Variants in GLRA3 observed in about 807,000 individuals in gnomAD.
GLRA3 encodes the protein glycine receptor subunit alpha-3.
A neutral mutation model predicts 60.4 loss-of-function variants in GLRA3; 44 were observed. The observed-to-expected ratio is 0.73, with a 90% CI of 0.57 to 0.94. GLRA3 has a LOEUF of 0.94. GLRA3 is among the 40% of genes least tolerant of loss of function. GLRA3 has a pLI of 0.00. For synonymous variants in GLRA3, 223 were observed against 192.9 expected (o/e 1.16, Z -1.29); for missense variants, 508 against 564.6 (o/e 0.90, Z 1.02).
chr4:174,667,914 A>C (rs1561043242), intron 7 of GLRA3, among the ~76,000 whole-genome samples: 1 of 151,368 alleles, frequency 6.6e-6, no homozygotes, highest in Non-Finnish European at 1.5e-5. Context: ...CCCACCCAAA[A>C]CTCCTGTTGA....
intron 4 of GLRA3, among the ~76,000 whole-genome samples, chr4:174,722,323 T>C (rs909291203): frequency 6.6e-6 from 1 of 152,150 alleles, no homozygotes; most frequent in African/African-American, 2.4e-5. Context: ...CCTGAGTGCA[T>C]GGGAAGGAAA....
At chr4:174,783,044 C>T (rs1322845483) in intron 2 of GLRA3, among the ~76,000 whole-genome samples, 2 of 152,178 alleles carry the variant, frequency 1.3e-5, no homozygotes, top group Admixed American at 6.5e-5. Flanking sequence ...AAGCTGGAAG[C>T]ATCACACGAC....
At chr4:174,804,369 T>A (rs1473097077) in intron 1 of GLRA3, among the ~76,000 whole-genome samples, 2 of 152,132 alleles carry the variant, frequency 1.3e-5, no homozygotes, top group Non-Finnish European at 2.9e-5. Context: ...TACCTGATCA[T>A]GTAGTGCCTT....
At chr4:174,652,663 G>T (rs1265656467) in intron 9 of GLRA3, among the ~76,000 whole-genome samples, 1 of 151,792 alleles carries the variant, frequency 6.6e-6, no homozygotes, top group African/African-American at 2.4e-5. Context: ...CAATTATTAT[G>T]CCAAGCACTG....
At chr4:174,670,412 A>G (rs1733860861) in intron 7 of GLRA3, among the ~76,000 whole-genome samples, 2 of 152,090 alleles carry the variant, frequency 1.3e-5, no homozygotes, top group South Asian at 4.1e-4. Flanking sequence ...TTTTGGGGCA[A>G]AGTGCTTTCT....
At chr4:174,663,334 A>G (rs1027846906) in intron 7 of GLRA3, among the ~76,000 whole-genome samples, 1 of 152,176 alleles carries the variant, frequency 6.6e-6, no homozygotes, top group East Asian at 1.9e-4. Context: ...CCAAATATAT[A>G]CAGTCCTGGA....
chr4:174,650,627 T>C (rs1282312856), intron 9 of GLRA3, among the ~76,000 whole-genome samples: 1 of 152,166 alleles, frequency 6.6e-6, no homozygotes. Flanking sequence ...TACCCCATCA[T>C]GGGTGATGTC....
At chr4:174,805,396 G>T (rs1055711871) in intron 1 of GLRA3, among the ~76,000 whole-genome samples, 8 of 152,020 alleles carry the variant, frequency 5.3e-5, no homozygotes, top group African/African-American at 1.9e-4. Context: ...GCACTCTTTT[G>T]GATCACTGAC....
intron 1 of GLRA3, among the ~76,000 whole-genome samples, chr4:174,809,344 C>G (rs1740172647): frequency 6.6e-6 from 1 of 152,116 alleles, no homozygotes; most frequent in Admixed American, 6.6e-5. Flanking sequence ...CATACAATAA[C>G]TGTATCACCT....
At chr4:174,800,540 C>T (rs2111339796) in intron 1 of GLRA3, among the ~76,000 whole-genome samples, 1 of 152,190 alleles carries the variant, frequency 6.6e-6, no homozygotes, top group East Asian at 1.9e-4. Flanking sequence ...ACAACACCCT[C>T]TCTACAGGGT....
chr4:174,822,532 CA>C (rs1740780568), intron 1 of GLRA3, among the ~76,000 whole-genome samples: 1 of 152,122 alleles, frequency 6.6e-6, no homozygotes. Flanking sequence ...AAGTCCTTAT[CA>C]CTAGGAATTT....
chr4:174,643,251 T>C lies in GLRA3; in HGVS notation c.*535A>G, dbSNP rs1047957886. ...TCTTTTAATGCTCTTATTTAAAAATTTTCAAAATTACATATGTTGTTTAAA... is the reference window on the plus strand; with the variant it reads ...TCTTTTAATGCTCTTATTTAAAAATCTTCAAAATTACATATGTTGTTTAAA... On this transcript the variant is annotated 3_prime_UTR_variant, in exon 10 of 10. Transcript: ENST00000274093. 4 of 690,894 alleles carry C rather than the reference T, an allele frequency of 5.8e-6. No homozygotes were observed. The East Asian group carries it at 6.0e-4, about 104-fold the overall frequency. 42.8% of individuals were successfully genotyped at this position (690,894 alleles called of 1,614,324 possible). A position where few individuals can be genotyped will look rare whatever the true frequency, so the allele number is the denominator to read the frequency against.
intron 3 of GLRA3, among the ~76,000 whole-genome samples, chr4:174,759,843 T>C (rs1328523154): frequency 6.6e-6 from 1 of 152,142 alleles, no homozygotes; most frequent in African/African-American, 2.4e-5. Flanking sequence ...CATGTACGTA[T>C]ACATATACAA....
chr4:174,803,249 T>C (rs956100881), intron 1 of GLRA3, among the ~76,000 whole-genome samples: 3 of 152,146 alleles, frequency 2.0e-5, no homozygotes, highest in East Asian at 3.8e-4. Flanking sequence ...TCGTGGGTAA[T>C]AGTTTATTTC....
chr4:174,728,683 T>A lies in GLRA3; in HGVS notation c.283A>T (p.Ile95Phe), dbSNP rs781655869. The A allele has an allele frequency of 5.1e-6, 8 of 1,583,110 alleles. No homozygotes were observed. The highest frequency in any genetic ancestry group is 6.1e-6 in the Non-Finnish European group (7 of 1,153,854). Reference sequence around the variant, plus strand: ...TCATTCCATTTCTGACGAAGAAAGATATTCACTCTGTAATCCTATGATAAA... The same window carrying A: ...TCATTCCATTTCTGACGAAGAAAGAAATTCACTCTGTAATCCTATGATAAA... Reference protein sequence around the residue: ...AETTMDYRVNIFLRQKWNDPR... With the variant: ...AETTMDYRVNFFLRQKWNDPR... The change falls in exon 4 of 10, where the codon ATC (isoleucine) becomes TTC (phenylalanine). Residue 95 changes from isoleucine to phenylalanine, a missense_variant. Ile to Phe is a conservative substitution (Grantham distance 21). This residue lies in a region of GLRA3 where 329 missense variants were observed against 349.3 expected (regional missense o/e 0.94). Transcript: ENST00000274093.
At chr4:174,769,436 A>G (rs1738296604) in intron 2 of GLRA3, among the ~76,000 whole-genome samples, 1 of 152,118 alleles carries the variant, frequency 6.6e-6, no homozygotes, top group South Asian at 2.1e-4. Context: ...TGATATTGGC[A>G]ATTGCTTCAT....
chr4:174,761,805 G>T (rs1737951650), intron 3 of GLRA3, among the ~76,000 whole-genome samples: 1 of 152,134 alleles, frequency 6.6e-6, no homozygotes, highest in African/African-American at 2.4e-5. Flanking sequence ...CTTGAGTGTG[G>T]TTACATGAAT....
At chr4:174,758,772 C>A (rs1328387818) in intron 3 of GLRA3, among the ~76,000 whole-genome samples, 5 of 151,926 alleles carry the variant, frequency 3.3e-5, no homozygotes, top group Non-Finnish European at 5.9e-5. Context: ...TTCTTGTAGA[C>A]CTAAACTATT....
At chr4:174,809,401 G>C (rs1258454932) in intron 1 of GLRA3, among the ~76,000 whole-genome samples, 2 of 152,006 alleles carry the variant, frequency 1.3e-5, no homozygotes, top group African/African-American at 4.8e-5. Context: ...GCAACAAACG[G>C]CTGTAGTCAT....
Sources: gnomAD v4.1 joint callset for allele counts (sites outside exome capture counted in the v4.1 genomes callset) on GRCh38, gnomAD v4.1.1 for gene constraint, gnomAD v4.1.1 regional missense constraint, MANE v1.5 for transcripts, NCBI Gene and HGNC (gene_info 2026-07-23, HGNC 2026-07-21) for gene names.